The following NBEA variants were observed in gnomAD, a reference collection of about 807,000 sequenced individuals.
NBEA encodes lysosomal-trafficking regulator 2.
Under a neutral mutation model 343.4 loss-of-function variants are expected in NBEA, and 44 were observed. The ratio of observed to expected loss-of-function variants is 0.13; its 90% CI spans 0.10 to 0.16. The LOEUF (loss-of-function observed/expected upper bound fraction) is 0.16, where lower values mean the gene tolerates loss of function less well. NBEA is among the 10% of genes least tolerant of loss of function. The pLI, the probability that NBEA is intolerant of heterozygous loss-of-function variation, is 1.00. For missense variants in NBEA, 2,555 were observed against 3,631.3 expected (o/e 0.70, Z 7.62); for synonymous variants, 1,175 against 1,238.7 (o/e 0.95, Z 1.08).
intron 38 of NBEA, among the ~76,000 whole-genome samples, chr13:35,417,343 G>A (rs890714289): frequency 3.3e-5 from 5 of 151,918 alleles, no homozygotes; most frequent in East Asian, 1.9e-4. Context: ...GTCAATTTTA[G>A]ATCTTTCCTG....
At position 35,008,143 on chromosome 13, in the gene NBEA, C is replaced by G. The variant is rs1427205947; in HGVS notation, c.295-32790C>G. ...GGGATGATTTGAAGTTGTGCCTGGT[C>G]TCTGCAAGGACTTACCTATATCGGT... On this transcript the variant is annotated intron_variant, in intron 1 of 58. Transcript: ENST00000379939. 2.6e-5 allele frequency among the ~76,000 whole-genome samples: 4 copies of G among 152,104 alleles called. No individual in the cohort carries two copies. In the South Asian group the frequency reaches 6.2e-4, roughly 24 times the overall value.
intron 41 of NBEA, among the ~76,000 whole-genome samples, chr13:35,501,939 A>G (rs558633553): frequency 2.0e-4 from 30 of 152,238 alleles, no homozygotes; most frequent in East Asian, 1.2e-3. Context: ...ATACATGTGT[A>G]TATACACACG....
At chr13:35,284,619 T>C (rs2035298425) in intron 34 of NBEA, among the ~76,000 whole-genome samples, 1 of 152,136 alleles carries the variant, frequency 6.6e-6, no homozygotes, top group Non-Finnish European at 1.5e-5. Flanking sequence ...TGATAAAAAT[T>C]TAAGCCATTA....
intron 33 of NBEA, among the ~76,000 whole-genome samples, chr13:35,219,220 T>G (rs1208010710): frequency 6.6e-6 from 1 of 152,164 alleles, no homozygotes; most frequent in Non-Finnish European, 1.5e-5. Flanking sequence ...CTTGCCTTCC[T>G]TGCCTTCCTT....
chr13:35,669,475 A>T (rs955112107), intron 58 of NBEA, among the ~76,000 whole-genome samples: 3 of 152,234 alleles, frequency 2.0e-5, no homozygotes, highest in African/African-American at 7.2e-5. Flanking sequence ...GTCATCAGGA[A>T]AAACGCTGTA....
intron 38 of NBEA, among the ~76,000 whole-genome samples, chr13:35,428,262 G>A (rs918850683): frequency 5.9e-5 from 9 of 152,016 alleles, no homozygotes; most frequent in Non-Finnish European, 8.8e-5. Context: ...GTTCCTATTC[G>A]GCCATCTTGG....
intron 38 of NBEA, among the ~76,000 whole-genome samples, chr13:35,396,941 C>G (rs536661876): frequency 7.2e-5 from 11 of 151,842 alleles, no homozygotes; most frequent in Non-Finnish European, 1.5e-4. Flanking sequence ...CCATTTCTGA[C>G]CTCATCTCTT....
intron 10 of NBEA, among the ~76,000 whole-genome samples, chr13:35,091,518 A>G (rs191571871): frequency 1.3e-5 from 2 of 152,022 alleles, no homozygotes; most frequent in Non-Finnish European, 2.9e-5. Flanking sequence ...TTCACAGATG[A>G]CATGATTGTC....
chr13:35,493,351 G>A (rs2076564585), intron 41 of NBEA, among the ~76,000 whole-genome samples: 1 of 152,064 alleles, frequency 6.6e-6, no homozygotes, highest in Non-Finnish European at 1.5e-5. Flanking sequence ...AACAACTAAT[G>A]ATATGGGAGT....
intron 47 of NBEA, among the ~76,000 whole-genome samples, chr13:35,603,674 G>A (rs1453051339): frequency 6.6e-6 from 1 of 152,158 alleles, no homozygotes; most frequent in Non-Finnish European, 1.5e-5. Flanking sequence ...AGCTTCTGTA[G>A]CCTCGTTGTA....
At chr13:35,084,622 A>T (rs1214469836) in intron 10 of NBEA, among the ~76,000 whole-genome samples, 1 of 152,198 alleles carries the variant, frequency 6.6e-6, no homozygotes, top group Non-Finnish European at 1.5e-5. Flanking sequence ...TGCCCATAAG[A>T]GTAAGCAGGA....
intron 10 of NBEA, among the ~76,000 whole-genome samples, chr13:35,097,979 A>T (rs557713158): frequency 3.3e-5 from 5 of 152,102 alleles, no homozygotes; most frequent in Admixed American, 2.6e-4. Flanking sequence ...AATGATGTGT[A>T]TATGTTTCTT....
chr13:35,023,910 G>A (rs1427648289), intron 1 of NBEA, among the ~76,000 whole-genome samples: 1 of 152,176 alleles, frequency 6.6e-6, no homozygotes, highest in East Asian at 1.9e-4. Context: ...TGGTGTACAA[G>A]TGATTTTATT....
At chr13:35,217,052 C>T (rs1303068305) in intron 33 of NBEA, among the ~76,000 whole-genome samples, 1 of 151,880 alleles carries the variant, frequency 6.6e-6, no homozygotes, top group African/African-American at 2.4e-5. Context: ...TCATTGTTAC[C>T]AGCATTTTTT....
intron 1 of NBEA, among the ~76,000 whole-genome samples, chr13:34,978,939 A>G (rs888366589): frequency 2.0e-5 from 3 of 152,150 alleles, no homozygotes; most frequent in Non-Finnish European, 2.9e-5. Context: ...CCCATGAGTC[A>G]TTTTAAGATT....
chr13:34,978,648 GT>G (rs915773843), intron 1 of NBEA, among the ~76,000 whole-genome samples: 58 of 151,434 alleles, frequency 3.8e-4, no homozygotes, highest in African/African-American at 1.3e-3. Flanking sequence ...ATGGTCAGAG[GT>G]TTTTTTTTCC....
chr13:35,115,482 G>A (rs1055934640), intron 13 of NBEA, among the ~76,000 whole-genome samples: 6 of 151,702 alleles, frequency 4.0e-5, no homozygotes, highest in Admixed American at 2.6e-4. Flanking sequence ...CAAATTTTAC[G>A]TTATTTCTTT....
intron 12 of NBEA, 64 bp from the exon 13 acceptor site, chr13:35,110,746 A>G (rs2066161319): frequency 2.2e-6 from 3 of 1,345,196 alleles, no homozygotes; most frequent in East Asian, 2.4e-5. Flanking sequence ...AACTGAATGT[A>G]TATAATATGA....
chr13:35,330,386 C>A (rs1001876515), intron 36 of NBEA, among the ~76,000 whole-genome samples: 1 of 151,958 alleles, frequency 6.6e-6, no homozygotes, highest in Non-Finnish European at 1.5e-5. Flanking sequence ...TCTGGACAAT[C>A]GTGAGGAAAA....
Sources: allele counts gnomAD v4.1 joint callset (sites outside exome capture counted in the v4.1 genomes callset), GRCh38; gene constraint gnomAD v4.1.1; transcripts MANE v1.5; gene names NCBI Gene and HGNC (gene_info 2026-07-23, HGNC 2026-07-21).